OLA1: variants seen among roughly 807,000 people sequenced by gnomAD.
The protein encoded by OLA1 is Obg like ATPase 1, also known as obg-like ATPase 1.
Under a neutral mutation model 48.4 loss-of-function variants are expected in OLA1, and 14 were observed. The observed-to-expected ratio is 0.29, with a 90% CI of 0.19 to 0.45. The LOEUF (loss-of-function observed/expected upper bound fraction) is 0.45. Among genes scored for constraint, OLA1 ranks in the 20% least tolerant of loss-of-function variants. The pLI is 1.00. For missense variants in OLA1, 325 were observed against 467.1 expected (o/e 0.70, Z 2.80); for synonymous variants, 127 against 150.4 (o/e 0.84, Z 1.14).
chr2:174,156,578 CTTTTTTTT>C (rs5836451), intron 4 of OLA1, among the ~76,000 whole-genome samples: 1 of 74,188 alleles, frequency 1.3e-5, no homozygotes, highest in Non-Finnish European at 2.6e-5. Context: ...CTCCCACACT[CTTTTTTTT>C]TTTTTTTTTT....
intron 4 of OLA1, among the ~76,000 whole-genome samples, chr2:174,174,238 A>T (rs1687372583): frequency 6.6e-6 from 1 of 151,998 alleles, no homozygotes. Context: ...AAAGAAAACC[A>T]CAGAAACAAT....
chr2:174,173,821 A>C (rs1008205293), intron 4 of OLA1, among the ~76,000 whole-genome samples: 7 of 152,060 alleles, frequency 4.6e-5, no homozygotes, highest in Admixed American at 4.6e-4. Flanking sequence ...AAGAGGAGAC[A>C]TTATAGGTCC....
At chr2:174,114,069 C>T (rs1685718985) in intron 7 of OLA1, among the ~76,000 whole-genome samples, 4 of 150,838 alleles carry the variant, frequency 2.7e-5, no homozygotes, top group Non-Finnish European at 5.9e-5. Flanking sequence ...TGGCTCATGC[C>T]TGTAATCCCA....
intron 4 of OLA1, among the ~76,000 whole-genome samples, chr2:174,203,799 ATTT>A (rs35167847): frequency 7.0e-6 from 1 of 142,902 alleles, no homozygotes; most frequent in Non-Finnish European, 1.5e-5. Flanking sequence ...ACGGAGTAGG[ATTT>A]TTTTTTTTTT....
intron 4 of OLA1, among the ~76,000 whole-genome samples, chr2:174,218,510 G>T (rs981406262): frequency 6.6e-6 from 1 of 152,104 alleles, no homozygotes; most frequent in African/African-American, 2.4e-5. Context: ...ATAAACTCCC[G>T]TTTATATAGC....
chr2:174,087,016 A>C (rs1314389238), intron 7 of OLA1, among the ~76,000 whole-genome samples: 2 of 149,528 alleles, frequency 1.3e-5, no homozygotes, highest in Non-Finnish European at 3.0e-5. Context: ...CCTATTGTAT[A>C]TTCTTTCTTT....
chr2:174,169,103 G>A (rs766221471), intron 4 of OLA1, among the ~76,000 whole-genome samples: 3 of 151,866 alleles, frequency 2.0e-5, no homozygotes, highest in East Asian at 1.9e-4. Context: ...ACACCACCAC[G>A]CCCAGCTAAT....
intron 2 of OLA1, among the ~76,000 whole-genome samples, chr2:174,232,611 G>A (rs779827205): frequency 9.2e-5 from 14 of 152,090 alleles, no homozygotes; most frequent in Non-Finnish European, 1.9e-4. Flanking sequence ...AATATGAAAA[G>A]ATGCTCAACC....
At chr2:174,143,009 T>A (rs1294575961) in intron 4 of OLA1, among the ~76,000 whole-genome samples, 2 of 152,210 alleles carry the variant, frequency 1.3e-5, no homozygotes. Context: ...AGAGTTTGAT[T>A]GAGTTTGGTA....
At chr2:174,085,006 A>G (rs1166362568) in intron 7 of OLA1, among the ~76,000 whole-genome samples, 8 of 152,222 alleles carry the variant, frequency 5.3e-5, no homozygotes, top group East Asian at 1.9e-4. Context: ...TTCATTTTGC[A>G]AATCTGTCTG....
intron 4 of OLA1, among the ~76,000 whole-genome samples, chr2:174,186,166 A>G (rs1286767836): frequency 1.3e-5 from 2 of 152,186 alleles, no homozygotes; most frequent in African/African-American, 2.4e-5. Context: ...CAAAACATGT[A>G]AGTAAGTTAA....
chr2:174,099,286 G>C lies in OLA1; in HGVS notation c.729-17222C>G, dbSNP rs1196791650. Reference sequence around the variant, plus strand: ...TTCCCCTGCCTCAGCCTCCCGAGTAGCTGGGACTACAGGTGCGTGCCACCA... The same window carrying C: ...TTCCCCTGCCTCAGCCTCCCGAGTACCTGGGACTACAGGTGCGTGCCACCA... On this transcript the variant is annotated intron_variant, in intron 7 of 10. Coordinates refer to ENST00000284719, the MANE Select transcript of OLA1 (RefSeq NM_013341.5). Among the ~76,000 whole-genome samples the C allele has an allele frequency of 3.9e-5, 6 of 152,142 alleles. No homozygotes were observed. The South Asian group carries it at 1.0e-3, about 26-fold the overall frequency.
chr2:174,228,919 C>T (rs527913289), intron 3 of OLA1, among the ~76,000 whole-genome samples: 4 of 152,254 alleles, frequency 2.6e-5, no homozygotes, highest in African/African-American at 9.6e-5. Context: ...GCTCTGTTGC[C>T]CAGGCTGAAG....
chr2:174,163,716 ATATATATATATATATATAT>A (rs1558984419), intron 4 of OLA1, among the ~76,000 whole-genome samples: 588 of 17,966 alleles, frequency 0.033, 38 homozygotes, highest in Non-Finnish European at 0.045. Flanking sequence ...AAATAAATAT[ATATATATATATATATATAT>A]ATATATATAT....
intron 4 of OLA1, among the ~76,000 whole-genome samples, chr2:174,219,422 C>CTTTTTTTTT (rs1559011396): frequency 2.8e-5 from 4 of 144,196 alleles, no homozygotes; most frequent in African/African-American, 1.0e-4. Context: ...ATTTTATTTC[C>CTTTTTTTTT]CTTTTTTTTT....
At chr2:174,187,733 G>GA (rs1687687117) in intron 4 of OLA1, among the ~76,000 whole-genome samples, 1 of 152,186 alleles carries the variant, frequency 6.6e-6, no homozygotes, top group Admixed American at 6.5e-5. Flanking sequence ...AGAGTAAATA[G>GA]AAAAACACTT....
At chr2:174,216,589 G>A (rs1487603115) in intron 4 of OLA1, among the ~76,000 whole-genome samples, 4 of 152,112 alleles carry the variant, frequency 2.6e-5, no homozygotes, top group African/African-American at 9.7e-5. Flanking sequence ...GTCTCACTCT[G>A]TCACCCAGGC....
chr2:174,220,241 C>T (rs1688470403), intron 4 of OLA1, among the ~76,000 whole-genome samples: 1 of 152,244 alleles, frequency 6.6e-6, no homozygotes, highest in Non-Finnish European at 1.5e-5. Context: ...TCCATCGCTC[C>T]TACTCCTCAT....
At chr2:174,083,864 T>C (rs1684911609) in intron 7 of OLA1, among the ~76,000 whole-genome samples, 1 of 152,188 alleles carries the variant, frequency 6.6e-6, no homozygotes, top group Non-Finnish European at 1.5e-5. Context: ...TTCATAAATA[T>C]GGTCAACAGA....
Sources: gnomAD v4.1 joint callset for allele counts (sites outside exome capture counted in the v4.1 genomes callset) on GRCh38, gnomAD v4.1.1 for gene constraint, MANE v1.5 for transcripts, NCBI Gene and HGNC (gene_info 2026-07-23, HGNC 2026-07-21) for gene names.